The following NFIA variants were observed in gnomAD, a reference collection of about 807,000 sequenced individuals.
The protein encoded by NFIA is nuclear factor I A, also known as nuclear factor 1 A-type.
A neutral mutation model predicts 62.8 loss-of-function variants in NFIA; 8 were observed. The observed-to-expected ratio is 0.13, with a 90% CI of 0.07 to 0.23. The LOEUF is 0.23. Among genes scored for constraint, NFIA ranks in the 10% least tolerant of loss-of-function variants. The pLI, the probability that NFIA is intolerant of heterozygous loss-of-function variation, is 1.00. For synonymous variants in NFIA, 235 were observed against 238.1 expected, an observed-to-expected ratio of 0.99 and a Z score of 0.12; for missense variants, 410 against 642.1, an observed-to-expected ratio of 0.64 and a Z score of 3.91.
At chr1:61,306,129 C>T (rs894120072) in intron 3 of NFIA, among the ~76,000 whole-genome samples, 3 of 151,708 alleles carry the variant, frequency 2.0e-5, no homozygotes, top group African/African-American at 4.8e-5. Context: ...GGATTACAGG[C>T]GTGAGCCACC....
chr1:61,143,901 C>T (rs1647728720), intron 2 of NFIA, among the ~76,000 whole-genome samples: 1 of 152,166 alleles, frequency 6.6e-6, no homozygotes, highest in Non-Finnish European at 1.5e-5. Context: ...AAGGATATGC[C>T]ACAGTATTCT....
chr1:61,141,123 G>A (rs56087421), intron 2 of NFIA, among the ~76,000 whole-genome samples: 5 of 152,002 alleles, frequency 3.3e-5, no homozygotes, highest in Non-Finnish European at 7.4e-5. Context: ...AGATTTCTTA[G>A]AATGACCTCA....
chr1:61,169,204 C>T (rs1449602645), intron 2 of NFIA, among the ~76,000 whole-genome samples: 1 of 152,106 alleles, frequency 6.6e-6, no homozygotes, highest in African/African-American at 2.4e-5. Flanking sequence ...CTGCTGCAAG[C>T]TTAAAAGGCA....
chr1:61,437,026 A>G (rs982288553), intron 10 of NFIA, among the ~76,000 whole-genome samples: 9 of 152,156 alleles, frequency 5.9e-5, no homozygotes, highest in Non-Finnish European at 1.0e-4. Context: ...TCAGAGTCTG[A>G]ATGTGTTGAG....
chr1:61,424,068 T>C (rs893841002), intron 9 of NFIA, among the ~76,000 whole-genome samples: 7 of 152,078 alleles, frequency 4.6e-5, no homozygotes, highest in African/African-American at 7.2e-5. Flanking sequence ...AGAACTAGAA[T>C]CAAATTTCTA....
chr1:61,357,446 A>T (rs1663022130), intron 5 of NFIA, among the ~76,000 whole-genome samples: 1 of 152,170 alleles, frequency 6.6e-6, no homozygotes, highest in African/African-American at 2.4e-5. Flanking sequence ...CCCATTGATA[A>T]TATTTTTAAT....
chr1:61,379,650 C>T (rs541689833), intron 6 of NFIA, among the ~76,000 whole-genome samples: 28 of 152,060 alleles, frequency 1.8e-4, no homozygotes, highest in African/African-American at 6.8e-4. Flanking sequence ...TTGTGATCTG[C>T]CCACCTCAGC....
chr1:61,201,592 TTAATG>T (rs913125770), intron 2 of NFIA, among the ~76,000 whole-genome samples: 12 of 151,936 alleles, frequency 7.9e-5, no homozygotes, highest in African/African-American at 2.4e-4. Context: ...AAAAGCCTGT[TTAATG>T]TAACATCAGT....
At chr1:61,419,774 C>T (rs189569177) in intron 9 of NFIA, among the ~76,000 whole-genome samples, 64 of 152,264 alleles carry the variant, frequency 4.2e-4, no homozygotes, top group Non-Finnish European at 7.6e-4. Flanking sequence ...TTAGCATACA[C>T]GTTAAGCATT....
intron 3 of NFIA, among the ~76,000 whole-genome samples, chr1:61,323,347 GT>G (rs1366894560): frequency 6.6e-6 from 1 of 152,290 alleles, no homozygotes; most frequent in African/African-American, 2.4e-5. Context: ...ATATAGAAGT[GT>G]TTCAGCCTTA....
At chr1:61,393,231 GCCTCGC>G (rs1363368189) in intron 7 of NFIA, among the ~76,000 whole-genome samples, 1 of 25,488 alleles carries the variant, frequency 3.9e-5, no homozygotes, top group Non-Finnish European at 5.4e-5. Context: ...GGTTTCTTCT[GCCTCGC>G]CCTCTCCCTC....
At chr1:61,090,788 C>T (rs916410424) in intron 2 of NFIA, among the ~76,000 whole-genome samples, 24 of 152,122 alleles carry the variant, frequency 1.6e-4, no homozygotes, top group South Asian at 2.1e-4. Context: ...TTGGTTTTCA[C>T]GGGACCGCAG....
intron 2 of NFIA, among the ~76,000 whole-genome samples, chr1:61,220,314 A>G (rs558405306): frequency 6.6e-6 from 1 of 152,274 alleles, no homozygotes; most frequent in South Asian, 2.1e-4. Context: ...CTTAAATGCC[A>G]CTGGGATACT....
In NFIA at chr1:61,088,750, GC is replaced by G; in HGVS notation, c.559+72del. 1 of 1,514,532 alleles carries G rather than the reference GC, an allele frequency of 6.6e-7. No individual in the cohort carries two copies. The highest frequency in any genetic ancestry group is 8.8e-7 in the Non-Finnish European group (1 of 1,132,556). The allele number at this position is 1,514,532 out of a possible 1,614,324, so 93.8% of individuals were successfully genotyped here. The stretch of plus-strand genomic sequence containing the variant: ...TCTTTCCTGATGGCCTCCGCGTTAT[GC>G]CGGATTCTTCCTGAGCTCCCCAAGT... On this transcript the variant is annotated intron_variant, in intron 2 of 10. Coordinates refer to ENST00000403491, the MANE Select transcript of NFIA (RefSeq NM_001134673.4). This position sits in a 1 kb window ranked among gnomAD's most constrained non-coding sequence, Gnocchi z 4.5.
rs538006210 is a variant in NFIA, at chr1:61,250,814, A to G, written c.560-26706A>G. ...TATGTTTAATATCAAGGACTTTACT[A>G]CAGGATAACATGATTGTGTTTCACA... On this transcript the variant is annotated intron_variant, in intron 2 of 10. Coordinates refer to ENST00000403491, the MANE Select transcript of NFIA (RefSeq NM_001134673.4). Among the ~76,000 whole-genome samples the G allele has an allele frequency of 1.1e-4, 16 of 152,342 alleles. No homozygotes were observed. In the East Asian group the frequency reaches 1.9e-3, roughly 18 times the overall value.
At position 61,115,796 on chromosome 1, in the gene NFIA, CACAT is replaced by C. The variant is rs146669727; in HGVS notation, c.559+27118_559+27121del. Among the ~76,000 whole-genome samples, 4 of 152,276 alleles carry C rather than the reference CACAT, an allele frequency of 2.6e-5. No homozygotes were observed. The East Asian group carries it at 7.7e-4, about 29-fold the overall frequency. On this transcript the variant is annotated intron_variant, in intron 2 of 10. Transcript: ENST00000403491. ...CCTTGCCCCAGAGAGGGAGAAGGTC[CACAT>C]ATGGTGCCTTTGACATGTTATCCCT...
At chr1:61,201,960 A>C (rs1652533238) in intron 2 of NFIA, among the ~76,000 whole-genome samples, 1 of 152,060 alleles carries the variant, frequency 6.6e-6, no homozygotes, top group South Asian at 2.1e-4. Flanking sequence ...AAAAAAAAAC[A>C]CTCAGATTCC....
At chr1:61,119,511 T>G (rs917719352) in intron 2 of NFIA, among the ~76,000 whole-genome samples, 1 of 152,228 alleles carries the variant, frequency 6.6e-6, no homozygotes, top group African/African-American at 2.4e-5. Flanking sequence ...GAAGTTGGCA[T>G]TGCACTGTTC....
chr1:61,122,452 A>T (rs76372234), intron 2 of NFIA, among the ~76,000 whole-genome samples: 34 of 152,242 alleles, frequency 2.2e-4, no homozygotes, highest in African/African-American at 8.2e-4. Flanking sequence ...TTAGACATAC[A>T]CCCTACCTAC....
Sources: allele counts gnomAD v4.1 joint callset (sites outside exome capture counted in the v4.1 genomes callset), GRCh38; gene constraint gnomAD v4.1.1; non-coding constraint Gnocchi (gnomAD v3.1); transcripts MANE v1.5; gene names NCBI Gene and HGNC (gene_info 2026-07-23, HGNC 2026-07-21).